The following ARHGAP39 variants were observed in gnomAD, a reference collection of about 807,000 sequenced individuals.
The protein encoded by ARHGAP39 is Rho GTPase activating protein 39.
A neutral mutation model predicts 106.9 loss-of-function variants in ARHGAP39; 44 were observed. That is an observed-to-expected ratio of 0.41 (90% CI 0.32 to 0.53). ARHGAP39 has a LOEUF of 0.53. Ranked by LOEUF, ARHGAP39 falls within the 20% of genes least tolerant of loss-of-function variation. The pLI, the probability that ARHGAP39 is intolerant of heterozygous loss-of-function variation, is 0.21. For synonymous variants in ARHGAP39, 768 were observed against 693.2 expected, an observed-to-expected ratio of 1.11 and a Z score of -1.69; for missense variants, 1,496 against 1,577.3, an observed-to-expected ratio of 0.95 and a Z score of 0.87.
At chr8:144,568,844 A>C (rs989440209) in intron 3 of ARHGAP39, among the ~76,000 whole-genome samples, 2 of 152,050 alleles carry the variant, frequency 1.3e-5, no homozygotes, top group Non-Finnish European at 2.9e-5. Flanking sequence ...GATAAAGGTG[A>C]ATTTTAAAAT....
rs969541196 is a variant in ARHGAP39, at chr8:144,679,287, A to G, written c.-82+6399T>C. 6.6e-6 allele frequency among the ~76,000 whole-genome samples: 1 copy of G among 152,198 alleles called. No homozygotes were observed. Among genetic ancestry groups the G allele is most frequent in the African/African-American group, 2.4e-5 (1 of 41,462 alleles). On this transcript the variant is annotated intron_variant, in intron 1 of 11. Coordinates refer to ENST00000377307, the MANE Select transcript of ARHGAP39 (RefSeq NM_025251.3). The surrounding 1 kb of genome is among the most constrained non-coding windows in gnomAD (Gnocchi z 4.7). ...GTCCGAGCAGGGGCTCACCTTCCCC[A>G]TAGGAGGCTGTACGTCACACCCTGC...
In ARHGAP39 at chr8:144,534,206, G is replaced by C. The variant is rs1331904672; in HGVS notation, c.2615-4C>G. The C allele has an allele frequency of 6.2e-7, 1 of 1,613,506 alleles. No homozygotes were observed. The highest frequency in any genetic ancestry group is 1.3e-5 in the African/African-American group (1 of 75,052). ...GCATACGTGCTTATCGCCACCCCTG[G>C]AAAGGAAAGGGGCCTGATCAGCCTG... On this transcript the variant is annotated splice_region_variant and splice_polypyrimidine_tract_variant and intron_variant, in intron 7 of 11. Coordinates refer to ENST00000377307, the MANE Select transcript of ARHGAP39 (RefSeq NM_025251.3).
intron 1 of ARHGAP39, among the ~76,000 whole-genome samples, chr8:144,667,102 C>A (rs2060686784): frequency 6.6e-6 from 1 of 152,214 alleles, no homozygotes; most frequent in Non-Finnish European, 1.5e-5. Context: ...TTCAGACTCA[C>A]ATTCTATTAA....
At chr8:144,575,392 A>G (rs1818734334) in intron 3 of ARHGAP39, among the ~76,000 whole-genome samples, 1 of 152,202 alleles carries the variant, frequency 6.6e-6, no homozygotes, top group Admixed American at 6.5e-5. Flanking sequence ...CTTAACATAC[A>G]CATTGTACAA....
rs576694825 is a variant in ARHGAP39 at position 144,596,173 on chromosome 8, C to T, written c.80+9362G>A. Among the ~76,000 whole-genome samples the T allele has an allele frequency of 9.2e-5, 14 of 152,276 alleles. No individual in the cohort carries two copies. The East Asian group carries it at 2.5e-3, about 27-fold the overall frequency. ...GGGGACGGCTGAGGCCTGGCCACCC[C>T]GGCGCTGTCCACCACCCCTCAGTGG... On this transcript the variant is annotated intron_variant, in intron 2 of 11. Transcript: ENST00000377307.
intron 1 of ARHGAP39, among the ~76,000 whole-genome samples, chr8:144,673,629 T>C (rs911951757): frequency 3.9e-5 from 6 of 152,160 alleles, no homozygotes; most frequent in African/African-American, 7.2e-5. Context: ...GGAATTGTCA[T>C]GAGATCCTTG....
intron 3 of ARHGAP39, among the ~76,000 whole-genome samples, chr8:144,561,232 TTTCCATCACACTCCA>T (rs1564848222): frequency 4.6e-5 from 7 of 152,094 alleles, no homozygotes; most frequent in African/African-American, 1.7e-4. Flanking sequence ...ACTCCAGTGG[TTTCCATCACACTCCA>T]GTGGTGTCCA....
At chr8:144,676,478 G>A (rs946838470) in intron 1 of ARHGAP39, among the ~76,000 whole-genome samples, 1 of 151,488 alleles carries the variant, frequency 6.6e-6, no homozygotes, top group African/African-American at 2.4e-5. Context: ...TGACTGGTGC[G>A]TTTACAAACC....
Position 144,645,013 on chromosome 8 carries a change from G to A in ARHGAP39, c.-81-39318C>T, listed in dbSNP as rs1175474080. Among the ~76,000 whole-genome samples, 2 of 152,256 alleles carry A rather than the reference G, an allele frequency of 1.3e-5. No homozygotes were observed. Among genetic ancestry groups the A allele is most frequent in the Non-Finnish European group, 2.9e-5 (2 of 68,050 alleles). On this transcript the variant is annotated intron_variant, in intron 1 of 11. Coordinates refer to ENST00000377307, the MANE Select transcript of ARHGAP39 (RefSeq NM_025251.3). The surrounding 1 kb of genome is among the most constrained non-coding windows in gnomAD (Gnocchi z 4.4). ...TGTCCCTGGGTGGCAGGTGACAGGC[G>A]CTGGGCCACGGCAGAGAGCACATGT...
At chr8:144,582,384 C>T (rs1203251472) in intron 2 of ARHGAP39, among the ~76,000 whole-genome samples, 2 of 152,218 alleles carry the variant, frequency 1.3e-5, no homozygotes. Context: ...AGGATCCAGG[C>T]GGAGTCTGTC....
In ARHGAP39 at chr8:144,537,690, C is replaced by T. The variant is rs199926011; in HGVS notation, c.2614+31G>A. ...CTGGAGAGCAGAGCTGTGCAGACGC[C>T]GCGCCCAGGGGCTGCGGGGAGAGGC... On this transcript the variant is annotated intron_variant, in intron 7 of 11. Transcript: ENST00000377307. The T allele has an allele frequency of 4.1e-5, 66 of 1,602,276 alleles. No homozygotes were observed. In the Middle Eastern group the frequency reaches 5.0e-4, roughly 12 times the overall value.
In ARHGAP39 at chr8:144,547,437, G is replaced by A; in HGVS notation, c.1649C>T (p.Ala550Val). Reference protein sequence around the residue: ...EGEAEGARGAAEPFLAQARLA... With the variant: ...EGEAEGARGAVEPFLAQARLA... ...CCGAGCCTGCGCCAGGAAGGGCTCGGCCGCGCCCCGCGCCCCTTCGGCCTC... is the reference window on the plus strand; with the variant it reads ...CCGAGCCTGCGCCAGGAAGGGCTCGACCGCGCCCCGCGCCCCTTCGGCCTC... Residue 550 changes from alanine to valine, a missense_variant, in exon 5 of 12, where the codon GCC becomes GTC. Physicochemically the swap from Ala to Val is moderately conservative, Grantham distance 64. Transcript: ENST00000377307. The surrounding 1 kb of genome is among the most constrained non-coding windows in gnomAD (Gnocchi z 5.2). 6.3e-7 allele frequency: 1 copy of A among 1,577,410 alleles called. No individual in the cohort carries two copies.
intron 1 of ARHGAP39, among the ~76,000 whole-genome samples, chr8:144,665,339 A>G (rs1055721830): frequency 6.6e-6 from 1 of 152,260 alleles, no homozygotes; most frequent in Non-Finnish European, 1.5e-5. Context: ...CTGATGATGC[A>G]GTAGAAAAGA....
intron 6 of ARHGAP39, among the ~76,000 whole-genome samples, chr8:144,542,553 C>T (rs1052627617): frequency 6.6e-6 from 1 of 152,192 alleles, no homozygotes; most frequent in Middle Eastern, 3.2e-3. Flanking sequence ...ACATCCTCCT[C>T]GGCTGATAGG....
rs771874396 is a variant in ARHGAP39 at position 144,545,436 on chromosome 8, C to T, written c.2334G>A (p.Gln778=). The T allele has an allele frequency of 1.3e-6, 2 of 1,591,868 alleles. No homozygotes were observed. Among genetic ancestry groups the T allele is most frequent in the African/African-American group, 1.3e-5 (1 of 74,690 alleles). ...LEVATKGWSV[Q]GLRDELYIQL... is the part of the protein sequence containing the mutation. ...GGATGTAGAGCTCGTCCCGCAGGCCCTGCACGCTCCAGCCCTTGGTGGCCA... is the reference window on the plus strand; with the variant it reads ...GGATGTAGAGCTCGTCCCGCAGGCCTTGCACGCTCCAGCCCTTGGTGGCCA... The change falls in exon 6 of 12, where the codon CAG becomes CAA. Residue 778 remains glutamine, a synonymous_variant. Transcript: ENST00000377307.
chr8:144,558,089 G>GC (rs1818012935), intron 3 of ARHGAP39, among the ~76,000 whole-genome samples: 1 of 152,140 alleles, frequency 6.6e-6, no homozygotes, highest in African/African-American at 2.4e-5. Context: ...CTTTATTAAA[G>GC]CAACAGTAAC....
chr8:144,547,275 C>A lies in ARHGAP39; in HGVS notation c.1811G>T (p.Ser604Ile). ...CTGCTGGGCCAGCGCCTCGTCCTCGCTGAAGGCCCGCACCACCGGCCCGGG... is the reference window on the plus strand; with the variant it reads ...CTGCTGGGCCAGCGCCTCGTCCTCGATGAAGGCCCGCACCACCGGCCCGGG... ...PMPGPVVRAF[S>I]EDEALAQQEN... is the part of the protein sequence containing the mutation. Residue 604 changes from serine (S) to isoleucine (I), a missense_variant, in exon 5 of 12, where the codon AGC becomes ATC. Coordinates refer to ENST00000377307, the MANE Select transcript of ARHGAP39 (RefSeq NM_025251.3). This position sits in a 1 kb window ranked among gnomAD's most constrained non-coding sequence, Gnocchi z 5.2. 1 of 1,612,444 alleles carries A rather than the reference C, an allele frequency of 6.2e-7. No homozygotes were observed. Among genetic ancestry groups the A allele is most frequent in the Non-Finnish European group, 8.5e-7 (1 of 1,179,784 alleles).
chr8:144,651,969 C>A (rs563868938), intron 1 of ARHGAP39, among the ~76,000 whole-genome samples: 1 of 152,172 alleles, frequency 6.6e-6, no homozygotes, highest in Admixed American at 6.5e-5. Flanking sequence ...TATAAAAACC[C>A]TGGAAGACAA....
chr8:144,547,643 G>C lies in ARHGAP39; in HGVS notation c.1443C>G (p.Thr481=), dbSNP rs766924258. ...DAMSWSSQQD[T]LSSTGYSPGT... ...CCGGGGAGTAGCCTGTGGAGGACAG[G>C]GTGTCCTGCTGGCTGGACCAGGACA... Residue 481 remains threonine, a synonymous_variant, in exon 5 of 12, where the codon ACC becomes ACG. Transcript: ENST00000377307. This position sits in a 1 kb window ranked among gnomAD's most constrained non-coding sequence, Gnocchi z 5.2. 1 of 1,534,808 alleles carries C rather than the reference G, an allele frequency of 6.5e-7. No homozygotes were observed. The highest frequency in any genetic ancestry group is 2.4e-5 in the East Asian group (1 of 42,348).
Sources: gnomAD v4.1 joint callset for allele counts (sites outside exome capture counted in the v4.1 genomes callset) on GRCh38, gnomAD v4.1.1 for gene constraint, Gnocchi (gnomAD v3.1) non-coding constraint, MANE v1.5 for transcripts, NCBI Gene and HGNC (gene_info 2026-07-23, HGNC 2026-07-21) for gene names.